Variants in ABCD3 observed in about 807,000 individuals in gnomAD.
ABCD3 encodes ATP-binding cassette sub-family D member 3.
ABCD3 carries 41 observed loss-of-function variants against 105.5 expected under a neutral mutation model. That is an observed-to-expected ratio of 0.39 (90% CI 0.30 to 0.50). The LOEUF (loss-of-function observed/expected upper bound fraction) is 0.50, where lower values mean the gene tolerates loss of function less well. Ranked by LOEUF, ABCD3 falls within the 20% of genes least tolerant of loss-of-function variation. The pLI, the probability that ABCD3 is intolerant of heterozygous loss-of-function variation, is 0.84. For synonymous variants in ABCD3, 258 were observed against 269.0 expected, an observed-to-expected ratio of 0.96 and a Z score of 0.40; for missense variants, 622 against 806.3, an observed-to-expected ratio of 0.77 and a Z score of 2.77.
rs188132173 is a variant in ABCD3, at chr1:94,498,266, C to T, written c.1387-336C>T. 6.6e-5 allele frequency among the ~76,000 whole-genome samples: 10 copies of T among 152,042 alleles called. No individual in the cohort carries two copies. In the East Asian group the frequency reaches 1.9e-3, roughly 29 times the overall value. On this transcript the variant is annotated intron_variant, in intron 16 of 22. Coordinates refer to ENST00000370214, the MANE Select transcript of ABCD3 (RefSeq NM_002858.4). ...TTTTATTTTTTGTAGAGATGAGGGTCTTGTTTTATTTCCCAGGTTAGTCTC... is the reference window on the plus strand; with the variant it reads ...TTTTATTTTTTGTAGAGATGAGGGTTTTGTTTTATTTCCCAGGTTAGTCTC...
intron 1 of ABCD3, among the ~76,000 whole-genome samples, chr1:94,452,420 T>C (rs1647299926): frequency 6.6e-6 from 1 of 152,208 alleles, no homozygotes; most frequent in Admixed American, 6.5e-5. Context: ...TTTCACATAG[T>C]TTAACCTGAT....
chr1:94,517,037 CCTT>C lies in ABCD3; in HGVS notation c.1903-11_1903-9del, dbSNP rs1341664636. ...CTCTTAGTTACTGACTTTTTTTCCCCCTTCTTTCCCATAGTACTACCTGCATAT... is the reference window on the plus strand; with the variant it reads ...CTCTTAGTTACTGACTTTTTTTCCCCCTTTCCCATAGTACTACCTGCATAT... On this transcript the variant is annotated splice_polypyrimidine_tract_variant and intron_variant, in intron 22 of 22. Transcript: ENST00000370214. 1 of 1,589,914 alleles carries C rather than the reference CCTT, an allele frequency of 6.3e-7. No individual in the cohort carries two copies. Among genetic ancestry groups the C allele is most frequent in the South Asian group, 1.1e-5 (1 of 90,556 alleles).
At chr1:94,492,591 C>T (rs1031854570) in intron 16 of ABCD3, among the ~76,000 whole-genome samples, 12 of 152,186 alleles carry the variant, frequency 7.9e-5, no homozygotes, top group Non-Finnish European at 1.6e-4. Context: ...GCTCCAGGTA[C>T]TTCAGTCACT....
chr1:94,479,892 A>T (rs530083214), intron 8 of ABCD3, among the ~76,000 whole-genome samples: 1 of 152,108 alleles, frequency 6.6e-6, no homozygotes, highest in African/African-American at 2.4e-5. Flanking sequence ...TTATTAATAC[A>T]TAGTACAGCA....
In ABCD3 at chr1:94,489,917, C is replaced by G. The variant is rs375932311; in HGVS notation, c.1264C>G (p.Gln422Glu). 1.9e-6 allele frequency: 3 copies of G among 1,612,890 alleles called. No individual in the cohort carries two copies. Among genetic ancestry groups the G allele is most frequent in the Non-Finnish European group, 2.5e-6 (3 of 1,179,224 alleles). The change falls in exon 15 of 23, where the codon CAA becomes GAA. Residue 422 changes from glutamine to glutamate, a missense_variant. Transcript: ENST00000370214. ...TTCCATTTAAGGTATTGAAGGAGTA[C>G]AAGTCATTCCCTTGATACCTGGTGC... ...SQQEKGIEGV[Q>E]VIPLIPGAGE...
chr1:94,492,451 ATT>A (rs1461215610), intron 16 of ABCD3, among the ~76,000 whole-genome samples: 11 of 152,202 alleles, frequency 7.2e-5, no homozygotes, highest in Non-Finnish European at 1.5e-4. Context: ...CTTTGAACTT[ATT>A]CAACAATGAG....
chr1:94,420,334 A>G (rs1659210788), intron 1 of ABCD3, among the ~76,000 whole-genome samples: 1 of 152,232 alleles, frequency 6.6e-6, no homozygotes, highest in Admixed American at 6.5e-5. Context: ...GGGAAATTTT[A>G]AACAGAATCT....
At chr1:94,483,352 C>T in intron 10 of ABCD3, 113 bp downstream of exon 10, 1 of 755,588 alleles carries the variant, frequency 1.3e-6, no homozygotes, top group South Asian at 1.6e-5. Flanking sequence ...CGTATGTATA[C>T]ATATCTTAAA....
intron 21 of ABCD3, among the ~76,000 whole-genome samples, chr1:94,510,472 T>C (rs1451614029): frequency 6.6e-6 from 1 of 152,196 alleles, no homozygotes; most frequent in Admixed American, 6.5e-5. Context: ...TTCTGTTGAT[T>C]TGGGGTGGAG....
intron 16 of ABCD3, among the ~76,000 whole-genome samples, chr1:94,494,951 C>T (rs1649725223): frequency 6.6e-6 from 1 of 152,054 alleles, no homozygotes; most frequent in Admixed American, 6.6e-5. Flanking sequence ...TGTGGTGGTG[C>T]ACACCTTTGG....
chr1:94,474,721 A>G (rs1292280999), intron 5 of ABCD3, among the ~76,000 whole-genome samples: 2 of 131,352 alleles, frequency 1.5e-5, no homozygotes, highest in Non-Finnish European at 3.6e-5. Flanking sequence ...TAAAACCTGT[A>G]GTGTTTTTTT....
At chr1:94,485,098 A>G (rs1359943118) in intron 10 of ABCD3, among the ~76,000 whole-genome samples, 8 of 152,242 alleles carry the variant, frequency 5.3e-5, no homozygotes, top group Admixed American at 4.6e-4. Flanking sequence ...GTAGCAGGCT[A>G]GATTTGGACT....
rs1238769086 is a variant in ABCD3 at position 94,498,857 on chromosome 1, T to C, written c.1530+9T>C. The C allele has an allele frequency of 6.2e-7, 1 of 1,612,914 alleles. No homozygotes were observed. The highest frequency in any genetic ancestry group is 8.5e-7 in the Non-Finnish European group (1 of 1,179,148). ...TATTTTATGTTCCTCAGGTAAGACC[T>C]AGCTTGAGTTATCTTTGATCTAAAG... is the stretch of plus-strand genomic sequence containing the variant. On this transcript the variant is annotated intron_variant, in intron 18 of 22. Coordinates refer to ENST00000370214, the MANE Select transcript of ABCD3 (RefSeq NM_002858.4).
the ABCD3 span, among the ~76,000 whole-genome samples, chr1:94,395,268 C>A: frequency 6.6e-6 from 1 of 152,110 alleles, no homozygotes; most frequent in Non-Finnish European, 1.5e-5. Context: ...GAAAGAGAAC[C>A]ATGAAAGGGG....
upstream of ABCD3, among the ~76,000 whole-genome samples, chr1:94,417,819 T>A (rs1203242873): frequency 6.6e-6 from 1 of 152,228 alleles, no homozygotes; most frequent in Non-Finnish European, 1.5e-5. Flanking sequence ...AATTTCACAA[T>A]GCGCTAGAGA....
upstream of ABCD3, among the ~76,000 whole-genome samples, chr1:94,417,739 A>G (rs1178860130): frequency 6.6e-6 from 1 of 152,220 alleles, no homozygotes; most frequent in Non-Finnish European, 1.5e-5. Flanking sequence ...ATGTACTGTG[A>G]AACTTTTCTA....
intron 1 of ABCD3, chr1:94,418,930 C>T (rs909984767): frequency 2.7e-6 from 1 of 376,696 alleles, no homozygotes; most frequent in East Asian, 6.0e-5. Flanking sequence ...CTACATCACC[C>T]CCTTCTGTGT....
intron 4 of ABCD3, 45 bp downstream of exon 4, chr1:94,468,052 T>A (rs1350736554): frequency 7.4e-7 from 1 of 1,351,964 alleles, no homozygotes; most frequent in Non-Finnish European, 1.1e-6. Flanking sequence ...AAATGCTAAT[T>A]TGTCTCATAT....
chr1:94,412,444 T>C, the ABCD3 span, among the ~76,000 whole-genome samples: 1 of 152,228 alleles, frequency 6.6e-6, no homozygotes, highest in Non-Finnish European at 1.5e-5. Context: ...AATATTATAT[T>C]TGAAAATCAT....
Sources: gnomAD v4.1 joint callset for allele counts (sites outside exome capture counted in the v4.1 genomes callset) on GRCh38, gnomAD v4.1.1 for gene constraint, MANE v1.5 for transcripts, NCBI Gene and HGNC (gene_info 2026-07-23, HGNC 2026-07-21) for gene names.